The following KITLG variants were observed in gnomAD, a reference collection of about 807,000 sequenced individuals.
KITLG encodes KIT ligand.
In KITLG, 13 loss-of-function variants were observed where a neutral mutation model predicts 34.1. The observed-to-expected ratio is 0.38, with a 90% CI of 0.25 to 0.61. The LOEUF is 0.61. KITLG is among the 20% of genes least tolerant of loss of function. KITLG has a pLI of 0.60. For synonymous variants in KITLG, 110 were observed against 104.0 expected, an observed-to-expected ratio of 1.06 and a Z score of -0.35; for missense variants, 292 against 318.9, an observed-to-expected ratio of 0.92 and a Z score of 0.64.
At chr12:88,504,985 G>T (rs1869000522) in intron 9 of KITLG, among the ~76,000 whole-genome samples, 174 bp downstream of exon 9, 2 of 117,772 alleles carry the variant, frequency 1.7e-5, no homozygotes, top group East Asian at 3.1e-4. Context: ...TGGGGGGAGG[G>T]GGAAGGGATA....
intron 1 of KITLG, among the ~76,000 whole-genome samples, chr12:88,549,914 A>T (rs1337983978): frequency 6.6e-6 from 1 of 152,334 alleles, no homozygotes; most frequent in African/African-American, 2.4e-5. Context: ...CATGGAAGGA[A>T]GCCAAGACTT....
At chr12:88,567,867 A>C in intron 1 of KITLG, among the ~76,000 whole-genome samples, 1 of 152,200 alleles carries the variant, frequency 6.6e-6, no homozygotes, top group East Asian at 1.9e-4. Flanking sequence ...CGAAGAATCA[A>C]GTGACTCAAA....
Position 88,580,268 on chromosome 12 carries a change from G to T in KITLG, c.11C>A (p.Thr4Lys). 1 of 1,610,556 alleles carries T rather than the reference G, an allele frequency of 6.2e-7. No homozygotes were observed. The highest frequency in any genetic ancestry group is 8.5e-7 in the Non-Finnish European group (1 of 1,178,500). MKK[T>K]QTWILTCIYL... ...TCCCGGGCGCGCCCTACTCACTTGTGTCTTCTTCATAAGGAAAGGCAGCGC... is the reference window on the plus strand; with the variant it reads ...TCCCGGGCGCGCCCTACTCACTTGTTTCTTCTTCATAAGGAAAGGCAGCGC... Residue 4 changes from threonine (T) to lysine (K), a missense_variant, in exon 1 of 10, where the codon ACA becomes AAA. By Grantham distance (78) the Thr-to-Lys change is moderately conservative. This residue lies in a region of KITLG where 152 missense variants were observed against 207.9 expected (regional missense o/e 0.73). Coordinates refer to ENST00000644744, the MANE Select transcript of KITLG (RefSeq NM_000899.5).
chr12:88,541,243 C>T (rs915048966), intron 2 of KITLG, among the ~76,000 whole-genome samples: 1 of 151,998 alleles, frequency 6.6e-6, no homozygotes, highest in Admixed American at 6.6e-5. Context: ...ATCACAAGAC[C>T]AGGAAGACAA....
At chr12:88,568,234 T>C (rs10777131) in intron 1 of KITLG, among the ~76,000 whole-genome samples, 113,958 of 152,046 alleles carry the variant, frequency 0.75, 47,741 homozygotes, top group Middle Eastern at 0.93. Flanking sequence ...ACAGATACAA[T>C]TTATTGAGCA....
At chr12:88,576,844 T>G (rs1478676037) in intron 1 of KITLG, among the ~76,000 whole-genome samples, 1 of 152,088 alleles carries the variant, frequency 6.6e-6, no homozygotes, top group Non-Finnish European at 1.5e-5. Context: ...GAGTGAGAAA[T>G]TTTTATGTGA....
At chr12:88,537,281 T>A (rs1183389175) in intron 2 of KITLG, among the ~76,000 whole-genome samples, 1 of 152,044 alleles carries the variant, frequency 6.6e-6, no homozygotes, top group Non-Finnish European at 1.5e-5. Context: ...CACCATGGAA[T>A]ACTATGCAGC....
intron 1 of KITLG, among the ~76,000 whole-genome samples, chr12:88,578,981 G>C (rs987055611): frequency 6.6e-6 from 1 of 152,308 alleles, no homozygotes; most frequent in Non-Finnish European, 1.5e-5. Flanking sequence ...TAACCTGCTT[G>C]TAAGAGAGGG....
chr12:88,542,295 C>G (rs900079736), intron 2 of KITLG, among the ~76,000 whole-genome samples: 1 of 152,106 alleles, frequency 6.6e-6, no homozygotes, highest in Non-Finnish European at 1.5e-5. Context: ...GAAGGCAGCA[C>G]AATTCTGAGC....
At chr12:88,579,924 G>A (rs1364144505) in intron 1 of KITLG, among the ~76,000 whole-genome samples, 2 of 152,244 alleles carry the variant, frequency 1.3e-5, no homozygotes, top group African/African-American at 4.8e-5. Context: ...CCTATGCAAA[G>A]ACATGCCTTC....
chr12:88,515,886 G>T (rs1869437609), intron 5 of KITLG, among the ~76,000 whole-genome samples: 2 of 151,632 alleles, frequency 1.3e-5, no homozygotes, highest in South Asian at 2.1e-4. Flanking sequence ...ATTAAAAAAA[G>T]AAAGCAATGA....
At chr12:88,527,228 G>A (rs1869907417) in intron 3 of KITLG, among the ~76,000 whole-genome samples, 1 of 152,054 alleles carries the variant, frequency 6.6e-6, no homozygotes. Flanking sequence ...CCTAAGAGCA[G>A]CAAAAAGCCA....
intron 7 of KITLG, among the ~76,000 whole-genome samples, 192 bp downstream of exon 7, chr12:88,506,836 G>T (rs534300748): frequency 6.6e-6 from 1 of 152,080 alleles, no homozygotes; most frequent in Non-Finnish European, 1.5e-5. Context: ...ATTCTTAAGC[G>T]TGAATTATCA....
At chr12:88,515,311 A>G (rs910391750) in intron 6 of KITLG, among the ~76,000 whole-genome samples, 1 of 151,914 alleles carries the variant, frequency 6.6e-6, no homozygotes, top group Non-Finnish European at 1.5e-5. Flanking sequence ...TATTTAAAAT[A>G]ACCTCAGCAG....
At position 88,576,738 on chromosome 12, in the gene KITLG, T is replaced by G. The variant is rs2095532030; in HGVS notation, c.15+3526A>C. On this transcript the variant is annotated intron_variant, in intron 1 of 9. Transcript: ENST00000644744. Reference sequence around the variant, plus strand: ...TATTTTAGGTGTTTCTCATATATGCTCAGATATGGTTTATTCTCAGATATA... The same window carrying G: ...TATTTTAGGTGTTTCTCATATATGCGCAGATATGGTTTATTCTCAGATATA... Among the ~76,000 whole-genome samples the G allele has an allele frequency of 2.0e-5, 3 of 152,138 alleles. No individual in the cohort carries two copies. The South Asian group carries it at 6.2e-4, about 31-fold the overall frequency.
intron 1 of KITLG, among the ~76,000 whole-genome samples, chr12:88,572,618 T>TATATAA (rs1368011202): frequency 2.7e-5 from 4 of 146,468 alleles, no homozygotes; most frequent in Non-Finnish European, 4.5e-5. Context: ...TATATATATA[T>TATATAA]AATTTGTTAC....
At chr12:88,502,336 T>C (rs1189174868) in intron 9 of KITLG, among the ~76,000 whole-genome samples, 1 of 152,212 alleles carries the variant, frequency 6.6e-6, no homozygotes, top group Non-Finnish European at 1.5e-5. Flanking sequence ...TCCCCCTTGA[T>C]ATGCATACCT....
chr12:88,498,842 C>T (rs1410984116), intron 9 of KITLG, among the ~76,000 whole-genome samples: 7 of 152,094 alleles, frequency 4.6e-5, no homozygotes, highest in African/African-American at 1.7e-4. Context: ...CCACTGCACT[C>T]CAGCCTGGGC....
chr12:88,566,249 T>G (rs958293405), intron 1 of KITLG, among the ~76,000 whole-genome samples: 2 of 152,202 alleles, frequency 1.3e-5, no homozygotes, highest in Non-Finnish European at 2.9e-5. Flanking sequence ...AATTGTCAAA[T>G]GTCTGGATCC....
Sources: gnomAD v4.1 joint callset for allele counts (sites outside exome capture counted in the v4.1 genomes callset) on GRCh38, gnomAD v4.1.1 for gene constraint, gnomAD v4.1.1 regional missense constraint, MANE v1.5 for transcripts, NCBI Gene and HGNC (gene_info 2026-07-23, HGNC 2026-07-21) for gene names.